The following ARHGEF2 variants were observed in gnomAD, a reference collection of about 807,000 sequenced individuals.
ARHGEF2 encodes Rho/Rac guanine nucleotide exchange factor 2, also known as rho guanine nucleotide exchange factor 2.
Under a neutral mutation model 121.0 loss-of-function variants are expected in ARHGEF2, and 22 were observed. The ratio of observed to expected loss-of-function variants is 0.18; its 90% CI spans 0.13 to 0.26. The LOEUF (loss-of-function observed/expected upper bound fraction) is 0.26. ARHGEF2 is among the 10% of genes least tolerant of loss of function. ARHGEF2 has a pLI of 1.00. For missense variants in ARHGEF2, 907 were observed against 1,336.0 expected, an observed-to-expected ratio of 0.68 and a Z score of 5.01; for synonymous variants, 487 against 530.0, an observed-to-expected ratio of 0.92 and a Z score of 1.11.
chr1:155,967,779 G>GTGCCGTTCCCAGACA (rs1250211140), intron 2 of ARHGEF2, among the ~76,000 whole-genome samples: 32 of 152,104 alleles, frequency 2.1e-4, no homozygotes, highest in Non-Finnish European at 1.9e-4. Context: ...GACCCTGGCC[G>GTGCCGTTCCCAGACA]TGCCCTTCCC....
At position 155,962,497 on chromosome 1, in the gene ARHGEF2, T is replaced by C; in HGVS notation, c.1101+96A>G. 1 of 1,549,830 alleles carries C rather than the reference T, an allele frequency of 6.5e-7. No individual in the cohort carries two copies. Among genetic ancestry groups the C allele is most frequent in the Non-Finnish European group, 8.8e-7 (1 of 1,141,590 alleles). ...ATGGTCTGCACGGGTGGCGAATGCC[T>C]GACCTCCATGTGGGTGCAGCTCACA... On this transcript the variant is annotated intron_variant, in intron 9 of 21. Coordinates refer to ENST00000361247, the MANE Select transcript of ARHGEF2 (RefSeq NM_001162383.2). The surrounding 1 kb of genome is among the most constrained non-coding windows in gnomAD (Gnocchi z 5.8).
At chr1:155,960,561 G>T (rs1677700790) in intron 11 of ARHGEF2, among the ~76,000 whole-genome samples, 1 of 151,884 alleles carries the variant, frequency 6.6e-6, no homozygotes, top group Admixed American at 6.6e-5. Context: ...GAGGGCTTTT[G>T]CTAAATGCTT....
intron 1 of ARHGEF2, among the ~76,000 whole-genome samples, chr1:155,975,680 T>G (rs1452087919): frequency 6.6e-6 from 1 of 152,026 alleles, no homozygotes; most frequent in African/African-American, 2.4e-5. Context: ...CACCTCTCCA[T>G]TCCTCAGAAC....
upstream of ARHGEF2, chr1:155,978,679 G>A: frequency 9.9e-7 from 1 of 1,013,924 alleles, no homozygotes; most frequent in South Asian, 3.7e-5. The surrounding 1 kb of genome is among the most constrained non-coding windows in gnomAD (Gnocchi z 4.1). Context: ...GGTTTGTGTG[G>A]GGGCAGCTCG....
intron 1 of ARHGEF2, among the ~76,000 whole-genome samples, chr1:155,976,423 C>T (rs893477385): frequency 4.0e-5 from 6 of 151,680 alleles, no homozygotes; most frequent in South Asian, 4.2e-4. Context: ...ACTCAGCCCC[C>T]GACTCCCTGC....
intron 3 of ARHGEF2, 143 bp downstream of exon 3, chr1:155,966,677 G>T: frequency 9.1e-7 from 1 of 1,096,798 alleles, no homozygotes. Flanking sequence ...GGGGCCCGAG[G>T]CCTGGGGTTG....
chr1:155,977,042 C>CT (rs1249277273), intron 1 of ARHGEF2, among the ~76,000 whole-genome samples: 1 of 152,148 alleles, frequency 6.6e-6, no homozygotes, highest in African/African-American at 2.4e-5. Flanking sequence ...TGGCTAGGAA[C>CT]TACCAGGGAG....
chr1:155,953,297 T>A (rs1572067159), intron 14 of ARHGEF2, among the ~76,000 whole-genome samples: 1 of 146,672 alleles, frequency 6.8e-6, no homozygotes, highest in Non-Finnish European at 1.5e-5. Context: ...GTGGAAGGGG[T>A]TGCAGGTTGT....
chr1:155,951,156 A>G lies in ARHGEF2; in HGVS notation c.2376T>C (p.Ala792=), dbSNP rs1373957057. ...CCTGCTTTTCAGGGGCCACAGGGGC[A>G]GCCCCAGCCCTGCCAGCCTCCCCAT... The part of the protein sequence containing the change: ...SRDGEAGRAG[A]APVAPEKQAT... Residue 792 remains alanine, a synonymous_variant, in exon 20 of 22, where the codon GCT becomes GCC. Transcript: ENST00000361247. This position sits in a 1 kb window ranked among gnomAD's most constrained non-coding sequence, Gnocchi z 5.1. 6.2e-7 allele frequency: 1 copy of G among 1,604,564 alleles called. No individual in the cohort carries two copies. Among genetic ancestry groups the G allele is most frequent in the East Asian group, 2.2e-5 (1 of 44,610 alleles).
At chr1:155,967,002 C>T in intron 2 of ARHGEF2, 115 bp from the exon 3 acceptor site, 1 of 933,308 alleles carries the variant, frequency 1.1e-6, no homozygotes, top group Non-Finnish European at 1.7e-6. Context: ...ACTCTCCCCC[C>T]TTCCCCGACT....
chr1:155,958,723 C>A (rs182798349), intron 11 of ARHGEF2, among the ~76,000 whole-genome samples: 1 of 151,626 alleles, frequency 6.6e-6, no homozygotes, highest in African/African-American at 2.4e-5. Flanking sequence ...CTACTACAGG[C>A]GTGTGCCACC....
intron 7 of ARHGEF2, 146 bp downstream of exon 7, chr1:155,964,842 G>A (rs866918323): frequency 1.4e-5 from 12 of 873,862 alleles, no homozygotes; most frequent in Middle Eastern, 3.5e-4. Flanking sequence ...GCAGTGAGCC[G>A]AGATCATGCC....
rs759837753 is a variant in ARHGEF2, at chr1:155,951,813, C to T, written c.2173-37G>A. 3 of 1,613,528 alleles carry T rather than the reference C, an allele frequency of 1.9e-6. No individual in the cohort carries two copies. The highest frequency in any genetic ancestry group is 2.5e-6 in the Non-Finnish European group (3 of 1,179,988). On this transcript the variant is annotated intron_variant, in intron 17 of 21. Coordinates refer to ENST00000361247, the MANE Select transcript of ARHGEF2 (RefSeq NM_001162383.2). The surrounding 1 kb of genome is among the most constrained non-coding windows in gnomAD (Gnocchi z 5.1). ...GGCAAGAATGGGGAGTCAGCAGGCACACAAATCCTGGGTGCCTGCCCCTGA... is the reference window on the plus strand; with the variant it reads ...GGCAAGAATGGGGAGTCAGCAGGCATACAAATCCTGGGTGCCTGCCCCTGA...
intron 1 of ARHGEF2, among the ~76,000 whole-genome samples, chr1:155,971,902 C>T (rs938574452): frequency 4.2e-4 from 63 of 149,860 alleles, no homozygotes; most frequent in African/African-American, 1.5e-3. Flanking sequence ...AAAATATATA[C>T]ATATATATAT....
In ARHGEF2 at chr1:155,969,255, T is replaced by C; in HGVS notation, c.109A>G (p.Thr37Ala). ...ATGGTGGTGAAGAGGTGCCCATTGG[T>C]ATAGCGGGCATCCTTGGCTTCCTTC... ...KMKEAKDARY[T>A]NGHLFTTISV... The change falls in exon 2 of 22, where the codon ACC becomes GCC. Residue 37 changes from threonine to alanine, a missense_variant. Physicochemically the swap from Thr to Ala is moderately conservative, Grantham distance 58 (BLOSUM62 0). This residue lies in a region of ARHGEF2 where 475 missense variants were observed against 776.5 expected (regional missense o/e 0.61). Transcript: ENST00000361247. 6.2e-7 allele frequency: 1 copy of C among 1,614,008 alleles called. No individual in the cohort carries two copies. The highest frequency in any genetic ancestry group is 8.5e-7 in the Non-Finnish European group (1 of 1,179,898).
At chr1:155,976,606 CCACAGAA>C (rs1272223276) in intron 1 of ARHGEF2, among the ~76,000 whole-genome samples, 1 of 135,526 alleles carries the variant, frequency 7.4e-6, no homozygotes, top group Non-Finnish European at 1.6e-5. Context: ...CTACCTGCCC[CCACAGAA>C]CCGCTCTCTA....
At chr1:155,952,869 G>T in intron 14 of ARHGEF2, 41 bp from the exon 15 acceptor site, 1 of 1,605,310 alleles carries the variant, frequency 6.2e-7, no homozygotes, top group African/African-American at 1.3e-5. Flanking sequence ...AGGACGTAGG[G>T]GTATGCAAGA....
chr1:155,955,758 C>CA (rs1249417145), intron 13 of ARHGEF2, among the ~76,000 whole-genome samples: 6 of 152,044 alleles, frequency 3.9e-5, no homozygotes, highest in African/African-American at 1.4e-4. Context: ...CACTTTCGCC[C>CA]AGGCTGGAGT....
At chr1:155,956,816 C>G (rs1676765403) in intron 13 of ARHGEF2, among the ~76,000 whole-genome samples, 1 of 142,282 alleles carries the variant, frequency 7.0e-6, no homozygotes, top group Non-Finnish European at 1.5e-5. Context: ...ATTAGCTGGG[C>G]ATGGTGGCGT....
Sources: allele counts gnomAD v4.1 joint callset (sites outside exome capture counted in the v4.1 genomes callset), GRCh38; gene constraint gnomAD v4.1.1; regional missense constraint gnomAD v4.1.1; non-coding constraint Gnocchi (gnomAD v3.1); transcripts MANE v1.5; gene names NCBI Gene and HGNC (gene_info 2026-07-23, HGNC 2026-07-21).